NFATC2: variants seen among roughly 807,000 people sequenced by gnomAD.
The protein encoded by NFATC2 is nuclear factor of activated T-cells, cytoplasmic 2.
In NFATC2, 22 loss-of-function variants were observed where a neutral mutation model predicts 87.3. The observed-to-expected ratio is 0.25, with a 90% CI of 0.18 to 0.36. The LOEUF is 0.36. NFATC2 is among the 10% of genes least tolerant of loss of function. NFATC2 has a pLI of 1.00. For missense variants in NFATC2, 1,149 were observed against 1,259.1 expected (o/e 0.91, Z 1.32); for synonymous variants, 565 against 542.2 (o/e 1.04, Z -0.58).
intron 9 of NFATC2, among the ~76,000 whole-genome samples, chr20:51,424,042 A>C (rs1981377719): frequency 6.6e-6 from 1 of 152,176 alleles, no homozygotes; most frequent in Non-Finnish European, 1.5e-5. Context: ...TGACATTCTT[A>C]GAAAGGGAGG....
At chr20:51,483,030 G>T (rs915187090) in intron 3 of NFATC2, among the ~76,000 whole-genome samples, 22 of 152,178 alleles carry the variant, frequency 1.4e-4, no homozygotes, top group African/African-American at 5.3e-4. Context: ...TCCTGAGAGT[G>T]AGCCCCACTC....
intron 1 of NFATC2, among the ~76,000 whole-genome samples, chr20:51,527,239 C>T (rs948197246): frequency 1.3e-5 from 2 of 152,094 alleles, no homozygotes; most frequent in African/African-American, 4.8e-5. Context: ...CTTCCTGCCC[C>T]GGGACCTTGG....
At chr20:51,560,169 G>A (rs1463900818) in intron 1 of NFATC2, among the ~76,000 whole-genome samples, 2 of 152,132 alleles carry the variant, frequency 1.3e-5, no homozygotes, top group Admixed American at 6.5e-5. Flanking sequence ...ACCATTTTCG[G>A]TGCCTTATCT....
chr20:51,400,040 G>A (rs1987828558), intron 9 of NFATC2, among the ~76,000 whole-genome samples: 1 of 152,078 alleles, frequency 6.6e-6, no homozygotes, highest in Admixed American at 6.5e-5. Flanking sequence ...TCTCTTTCCA[G>A]TTGTTCAGGC....
At position 51,516,819 on chromosome 20, in the gene NFATC2, C is replaced by T. The variant is rs2076358202; in HGVS notation, c.1297G>A (p.Val433Ile). The change falls in exon 3 of 11, where the codon GTC becomes ATC. Residue 433 changes from valine to isoleucine, a missense_variant. By Grantham distance (29) the Val-to-Ile change is conservative (BLOSUM62 3). Transcript: ENST00000371564. Reference protein sequence around the residue: ...HYETEGSRGAVKAPTGGHPVV... With the variant: ...HYETEGSRGAIKAPTGGHPVV... The stretch of plus-strand genomic sequence containing the variant: ...GGGTGGCCTCCAGTTGGAGCTTTGA[C>T]AGCCCCTCGGCTGCCTTCTGTCTCA... 3 of 1,612,642 alleles carry T rather than the reference C, an allele frequency of 1.9e-6. No homozygotes were observed. Among genetic ancestry groups the T allele is most frequent in the Non-Finnish European group, 1.7e-6 (2 of 1,179,094 alleles).
At chr20:51,551,329 T>A (rs943758594) in intron 1 of NFATC2, among the ~76,000 whole-genome samples, 2 of 152,156 alleles carry the variant, frequency 1.3e-5, no homozygotes, top group Admixed American at 6.5e-5. Flanking sequence ...TCAGTAACAG[T>A]CCATGTGAGC....
intron 5 of NFATC2, among the ~76,000 whole-genome samples, chr20:51,463,147 G>A (rs952543529): frequency 1.1e-4 from 16 of 152,208 alleles, no homozygotes; most frequent in African/African-American, 2.4e-4. Flanking sequence ...GGCATCTCCC[G>A]GGAGAGGCTG....
chr20:51,398,045 A>G (rs1007503748), intron 10 of NFATC2, among the ~76,000 whole-genome samples: 4 of 150,988 alleles, frequency 2.6e-5, no homozygotes, highest in African/African-American at 9.8e-5. Flanking sequence ...TGAGGGGCTC[A>G]GCCGAGCACC....
At position 51,454,682 on chromosome 20, in the gene NFATC2, C is replaced by T. The variant is rs1986208674; in HGVS notation, c.1715G>A (p.Arg572Gln). ...TASNPIECSQ[R>Q]SAHELPMVER... ...AACCATGGGCAGCTCGTGAGCAGAT[C>T]GCTGGGCTGCAGGCAAAAGAGAGAG... The change falls in exon 6 of 11, where the codon CGA becomes CAA. Residue 572 changes from arginine to glutamine, a missense_variant. Around this residue, in one of 3 missense-constraint regions of NFATC2, gnomAD observed 581 missense variants for 649.7 expected, o/e 0.89. Coordinates refer to ENST00000371564, the MANE Select transcript of NFATC2 (RefSeq NM_012340.5). 2.5e-6 allele frequency: 4 copies of T among 1,613,708 alleles called. No individual in the cohort carries two copies. The highest frequency in any genetic ancestry group is 1.3e-5 in the African/African-American group (1 of 74,876).
Position 51,530,032 on chromosome 20 carries a change from A to G in NFATC2, c.131-5922T>C, listed in dbSNP as rs182517636. Among the ~76,000 whole-genome samples, 4 of 152,286 alleles carry G rather than the reference A, an allele frequency of 2.6e-5. No individual in the cohort carries two copies. The East Asian group carries it at 7.7e-4, about 29-fold the overall frequency. On this transcript the variant is annotated intron_variant, in intron 1 of 10. Coordinates refer to ENST00000371564, the MANE Select transcript of NFATC2 (RefSeq NM_012340.5). ...GTCATACATTCTTGCTACCACCAAC[A>G]TAATCAAAATATGGAACATTTCCAA...
intron 9 of NFATC2, among the ~76,000 whole-genome samples, chr20:51,430,808 T>C (rs916970323): frequency 3.9e-5 from 6 of 152,236 alleles, no homozygotes; most frequent in Non-Finnish European, 2.9e-5. Context: ...ATGGTAACTA[T>C]TGTGGCTGTT....
chr20:51,561,491 GCAAGCAAGCAA>G (rs2077031240), intron 1 of NFATC2, among the ~76,000 whole-genome samples: 1 of 95,090 alleles, frequency 1.1e-5, no homozygotes, highest in African/African-American at 4.0e-5. Context: ...AAGAAAGCAA[GCAAGCAAGCAA>G]GCAAGCAAGC....
chr20:51,522,815 T>C (rs974202022), intron 2 of NFATC2, among the ~76,000 whole-genome samples: 17 of 152,204 alleles, frequency 1.1e-4, no homozygotes, highest in African/African-American at 4.1e-4. Context: ...CCAGGTGCCA[T>C]ATGAGCAATT....
intron 6 of NFATC2, among the ~76,000 whole-genome samples, chr20:51,441,458 G>A (rs571000643): frequency 1.3e-5 from 2 of 152,036 alleles, no homozygotes; most frequent in African/African-American, 4.8e-5. Context: ...GCTCATGACT[G>A]TAATCCCAGC....
At chr20:51,438,581 C>T (rs754517130) in intron 6 of NFATC2, among the ~76,000 whole-genome samples, 1 of 152,082 alleles carries the variant, frequency 6.6e-6, no homozygotes, top group African/African-American at 2.4e-5. Flanking sequence ...AGGCTCACAC[C>T]AATAAGTGGC....
intron 9 of NFATC2, among the ~76,000 whole-genome samples, chr20:51,400,128 T>C (rs1987840164): frequency 6.6e-6 from 1 of 151,352 alleles, no homozygotes; most frequent in Non-Finnish European, 1.5e-5. Context: ...TTACCCCAGG[T>C]AGCCAGAAAC....
chr20:51,446,255 C>T (rs1007280507), intron 6 of NFATC2, among the ~76,000 whole-genome samples: 4 of 152,236 alleles, frequency 2.6e-5, no homozygotes, highest in African/African-American at 9.6e-5. Flanking sequence ...AAGAAACCAA[C>T]ATGGCTCTGC....
At chr20:51,497,944 G>A (rs2076016452) in intron 3 of NFATC2, among the ~76,000 whole-genome samples, 1 of 152,016 alleles carries the variant, frequency 6.6e-6, no homozygotes, top group South Asian at 2.1e-4. Context: ...AACCACAAGG[G>A]AACACCCACG....
chr20:51,532,914 G>C (rs984196809), intron 1 of NFATC2, among the ~76,000 whole-genome samples: 3 of 152,290 alleles, frequency 2.0e-5, no homozygotes, highest in African/African-American at 7.2e-5. Context: ...GGCCTGGCCT[G>C]GGGGCTGGAT....
Sources: allele counts gnomAD v4.1 joint callset (sites outside exome capture counted in the v4.1 genomes callset), GRCh38; gene constraint gnomAD v4.1.1; regional missense constraint gnomAD v4.1.1; transcripts MANE v1.5; gene names NCBI Gene and HGNC (gene_info 2026-07-23, HGNC 2026-07-21).